SPIDR: variants seen among roughly 807,000 people sequenced by gnomAD.
The protein encoded by SPIDR is DNA repair-scaffolding protein.
In SPIDR, 93 loss-of-function variants were observed where a neutral mutation model predicts 104.6. That is an observed-to-expected ratio of 0.89 (90% CI 0.75 to 1.06). The LOEUF (loss-of-function observed/expected upper bound fraction) is 1.06. SPIDR is among the 50% of genes least tolerant of loss of function. The pLI, the probability that SPIDR is intolerant of heterozygous loss-of-function variation, is 0.00. For synonymous variants in SPIDR, 431 were observed against 416.9 expected (o/e 1.03, Z -0.41); for missense variants, 1,154 against 1,111.2 (o/e 1.04, Z -0.55).
chr8:47,354,918 C>T (rs900722667), intron 5 of SPIDR, among the ~76,000 whole-genome samples: 1 of 152,128 alleles, frequency 6.6e-6, no homozygotes, highest in Non-Finnish European at 1.5e-5. Flanking sequence ...GTTGGGATTA[C>T]AGGCATGAGC....
At chr8:47,695,529 G>T (rs1490379970) in intron 11 of SPIDR, among the ~76,000 whole-genome samples, 1 of 152,176 alleles carries the variant, frequency 6.6e-6, no homozygotes, top group Non-Finnish European at 1.5e-5. Flanking sequence ...AAAAGAAAGT[G>T]GTTCAGGCAG....
intron 10 of SPIDR, among the ~76,000 whole-genome samples, chr8:47,672,391 T>G (rs1300759897): frequency 6.6e-6 from 1 of 152,238 alleles, no homozygotes; most frequent in African/African-American, 2.4e-5. Context: ...GTGTTAGACC[T>G]TCTCACTCTC....
chr8:47,530,257 C>T (rs1216739718), intron 8 of SPIDR, among the ~76,000 whole-genome samples: 1 of 152,104 alleles, frequency 6.6e-6, no homozygotes, highest in Non-Finnish European at 1.5e-5. Context: ...AACTTGAGGC[C>T]AGGAGTTCCA....
intron 7 of SPIDR, among the ~76,000 whole-genome samples, chr8:47,415,365 A>G (rs966590608): frequency 1.3e-5 from 2 of 152,300 alleles, no homozygotes; most frequent in Non-Finnish European, 2.9e-5. Flanking sequence ...ATGATCTCCA[A>G]TACAGTCCAT....
At chr8:47,560,546 T>G (rs2056934578) in intron 8 of SPIDR, among the ~76,000 whole-genome samples, 1 of 152,232 alleles carries the variant, frequency 6.6e-6, no homozygotes, top group Non-Finnish European at 1.5e-5. Flanking sequence ...TCTCCTGGGT[T>G]TGCTCAGGTA....
At chr8:47,468,466 G>T (rs922338811) in intron 8 of SPIDR, among the ~76,000 whole-genome samples, 3 of 152,122 alleles carry the variant, frequency 2.0e-5, no homozygotes, top group Admixed American at 2.0e-4. Context: ...CAACAGGGCT[G>T]CAGTAACAAA....
intron 8 of SPIDR, among the ~76,000 whole-genome samples, chr8:47,578,889 T>C (rs907818359): frequency 6.6e-6 from 1 of 152,208 alleles, no homozygotes; most frequent in African/African-American, 2.4e-5. Context: ...TAGTTATATG[T>C]AACTGTCTGA....
At chr8:47,482,954 T>C (rs1239090934) in intron 8 of SPIDR, among the ~76,000 whole-genome samples, 1 of 152,204 alleles carries the variant, frequency 6.6e-6, no homozygotes, top group Non-Finnish European at 1.5e-5. Context: ...TACTCAATCC[T>C]GACCCTGTAA....
intron 7 of SPIDR, among the ~76,000 whole-genome samples, chr8:47,422,955 A>T (rs1362437798): frequency 6.6e-6 from 1 of 152,152 alleles, no homozygotes; most frequent in Non-Finnish European, 1.5e-5. Context: ...AGTATAAAAG[A>T]CATATATCTC....
intron 5 of SPIDR, among the ~76,000 whole-genome samples, chr8:47,309,400 C>T (rs1554583500): frequency 6.6e-6 from 1 of 152,152 alleles, no homozygotes; most frequent in Non-Finnish European, 1.5e-5. Flanking sequence ...CTTAGTATAG[C>T]ATTTTCGGGC....
chr8:47,525,300 T>G (rs1275822300), intron 8 of SPIDR, among the ~76,000 whole-genome samples: 1 of 152,208 alleles, frequency 6.6e-6, no homozygotes, highest in African/African-American at 2.4e-5. Context: ...CGTCACAAGA[T>G]TCTGTGGAGA....
At chr8:47,700,605 A>G (rs1320989876) in intron 12 of SPIDR, 115 bp downstream of exon 12, 1 of 986,748 alleles carries the variant, frequency 1.0e-6, no homozygotes, top group East Asian at 2.5e-5. Context: ...AGTGGCAACA[A>G]GGAGCCCCCA....
At chr8:47,375,531 C>T (rs528673219) in intron 5 of SPIDR, among the ~76,000 whole-genome samples, 5 of 152,176 alleles carry the variant, frequency 3.3e-5, no homozygotes, top group East Asian at 3.9e-4. Flanking sequence ...TGAGCCACTG[C>T]GCCGGCTGTT....
intron 8 of SPIDR, chr8:47,592,043 A>G: frequency 1.1e-6 from 1 of 894,962 alleles, no homozygotes; most frequent in Non-Finnish European, 1.8e-6. Context: ...GGGCTTTTTT[A>G]TTCAGTAATG....
Position 47,728,920 on chromosome 8 carries a change from T to A in SPIDR, c.2436-13T>A. 6.3e-7 allele frequency: 1 copy of A among 1,595,856 alleles called. No homozygotes were observed. The highest frequency in any genetic ancestry group is 8.5e-7 in the Non-Finnish European group (1 of 1,172,904). ...CCCGGGGCCTTGTCTTTCCTTGGCT[T>A]TTCATATACCAGAGGCGCCTTTTCC... On this transcript the variant is annotated splice_polypyrimidine_tract_variant and intron_variant, in intron 17 of 19. Transcript: ENST00000297423.
At chr8:47,349,825 A>G (rs562090403) in intron 5 of SPIDR, among the ~76,000 whole-genome samples, 3 of 152,340 alleles carry the variant, frequency 2.0e-5, no homozygotes, top group African/African-American at 7.2e-5. Context: ...GACCATTGGA[A>G]AAGCGCAGTA....
At chr8:47,414,988 C>T (rs1387491114) in intron 7 of SPIDR, among the ~76,000 whole-genome samples, 2 of 152,124 alleles carry the variant, frequency 1.3e-5, no homozygotes, top group African/African-American at 4.8e-5. Flanking sequence ...ACTGCAAGCT[C>T]CGCCTCCTGG....
chr8:47,428,375 GA>G (rs2066785572), intron 7 of SPIDR, among the ~76,000 whole-genome samples: 1 of 152,204 alleles, frequency 6.6e-6, no homozygotes, highest in Non-Finnish European at 1.5e-5. Context: ...GAAAATGGTA[GA>G]CTGGTCATTC....
rs116571684 is a variant in SPIDR at position 47,356,947 on chromosome 8, G to C, written c.526-39429G>C. ...GTTTCCTCAATGACCCTGTTGAAAT[G>C]GGGTTTATTTTGCATATGGGGTAAC... On this transcript the variant is annotated intron_variant, in intron 5 of 19. Coordinates refer to ENST00000297423, the MANE Select transcript of SPIDR (RefSeq NM_001080394.4). Among the ~76,000 whole-genome samples the C allele has an allele frequency of 2.7e-3, 418 of 152,208 alleles. 3 individuals carry two copies. Among genetic ancestry groups the C allele is most frequent in the African/African-American group, 9.7e-3 (404 of 41,520 alleles).
Sources: allele counts gnomAD v4.1 joint callset (sites outside exome capture counted in the v4.1 genomes callset), GRCh38; gene constraint gnomAD v4.1.1; transcripts MANE v1.5; gene names NCBI Gene and HGNC (gene_info 2026-07-23, HGNC 2026-07-21).